NME7: variants seen among roughly 807,000 people sequenced by gnomAD.
NME7 encodes NME/NM23 family member 7.
NME7 carries 41 observed loss-of-function variants against 49.1 expected under a neutral mutation model. The observed-to-expected ratio is 0.83, with a 90% CI of 0.65 to 1.08. NME7 has a LOEUF of 1.08. Among genes scored for constraint, NME7 ranks in the 50% least tolerant of loss-of-function variants. The pLI, the probability that NME7 is intolerant of heterozygous loss-of-function variation, is 0.00. For missense variants in NME7, 423 were observed against 463.4 expected (o/e 0.91, Z 0.80); for synonymous variants, 139 against 150.6 (o/e 0.92, Z 0.56).
chr1:169,145,385 C>A (rs137914520), intron 11 of NME7, among the ~76,000 whole-genome samples: 24 of 152,236 alleles, frequency 1.6e-4, no homozygotes, highest in African/African-American at 5.5e-4. Flanking sequence ...TCCAACGAGA[C>A]GGCTAATTCA....
intron 10 of NME7, among the ~76,000 whole-genome samples, chr1:169,185,911 C>T (rs538685122): frequency 1.3e-5 from 2 of 152,250 alleles, no homozygotes; most frequent in South Asian, 2.1e-4. Context: ...GTATCCCTTA[C>T]AGCATTCAGT....
intron 10 of NME7, among the ~76,000 whole-genome samples, chr1:169,182,047 T>G (rs1479223782): frequency 6.6e-6 from 1 of 152,094 alleles, no homozygotes; most frequent in East Asian, 1.9e-4. Flanking sequence ...TTTTCTGAGT[T>G]GCAGGCTGGA....
In NME7 at chr1:169,315,927, C is replaced by T. The variant is rs116736134; in HGVS notation, c.279-5847G>A. On this transcript the variant is annotated intron_variant, in intron 3 of 11. Transcript: ENST00000367811. ...ATTGATAGAATATATAATTCTGTAA[C>T]TACTAATAGCAGAAAAGGGGAATAA... is the stretch of plus-strand genomic sequence containing the variant. 2.0e-3 allele frequency among the ~76,000 whole-genome samples: 299 copies of T among 151,876 alleles called. 4 individuals carry two copies. Among genetic ancestry groups the T allele is most frequent in the African/African-American group, 7.0e-3 (290 of 41,458 alleles).
At chr1:169,165,544 A>G (rs1659385777) in intron 11 of NME7, among the ~76,000 whole-genome samples, 1 of 152,180 alleles carries the variant, frequency 6.6e-6, no homozygotes, top group Admixed American at 6.5e-5. Context: ...TTTTCTGATT[A>G]GAGCTGCCTT....
chr1:169,187,363 T>C (rs1660096712), intron 10 of NME7, among the ~76,000 whole-genome samples: 1 of 152,120 alleles, frequency 6.6e-6, no homozygotes, highest in Non-Finnish European at 1.5e-5. Context: ...TCTCCCACTA[T>C]TATTGTGTGG....
chr1:169,280,130 T>G (rs1316596773), intron 7 of NME7, among the ~76,000 whole-genome samples: 1 of 152,300 alleles, frequency 6.6e-6, no homozygotes, highest in South Asian at 2.1e-4. Flanking sequence ...ATCTGTCATG[T>G]CCTGACTTTT....
chr1:169,358,782 T>C (rs1653550684), intron 1 of NME7, among the ~76,000 whole-genome samples: 3 of 152,228 alleles, frequency 2.0e-5, no homozygotes, highest in Middle Eastern at 3.4e-3. Context: ...GTTTAGAGTT[T>C]AGAAGAAACA....
intron 11 of NME7, among the ~76,000 whole-genome samples, chr1:169,141,449 A>G (rs139816877): frequency 3.9e-5 from 6 of 152,330 alleles, no homozygotes; most frequent in African/African-American, 1.4e-4. Context: ...TGAGTTTTAT[A>G]AACAATAAAC....
chr1:169,319,039 A>C (rs1191011580), intron 3 of NME7, among the ~76,000 whole-genome samples: 1 of 146,860 alleles, frequency 6.8e-6, no homozygotes, highest in East Asian at 1.9e-4. Flanking sequence ...TTTAATTTTA[A>C]TTTTAATTTT....
intron 7 of NME7, among the ~76,000 whole-genome samples, chr1:169,282,384 T>G (rs1478530674): frequency 6.6e-6 from 1 of 152,072 alleles, no homozygotes; most frequent in African/African-American, 2.4e-5. Context: ...TTTTGATGAT[T>G]TTTTCAAAAA....
At chr1:169,344,992 G>A (rs1172159409) in intron 1 of NME7, among the ~76,000 whole-genome samples, 3 of 152,132 alleles carry the variant, frequency 2.0e-5, no homozygotes, top group Non-Finnish European at 4.4e-5. Context: ...ATGATTTTTA[G>A]TTACTAATTC....
intron 10 of NME7, among the ~76,000 whole-genome samples, chr1:169,206,243 T>C (rs12081283): frequency 0.38 from 57,296 of 151,982 alleles, 11,515 homozygotes; most frequent in East Asian, 0.79. Context: ...GCCACTGTAT[T>C]TCTACTGTAT....
intron 7 of NME7, among the ~76,000 whole-genome samples, chr1:169,263,167 A>G (rs1035259938): frequency 3.0e-5 from 4 of 134,172 alleles, no homozygotes; most frequent in African/African-American, 2.5e-5. Context: ...GAACCAGTAC[A>G]AGAACTCTTA....
At chr1:169,252,413 T>A (rs956676732) in intron 7 of NME7, among the ~76,000 whole-genome samples, 1 of 152,022 alleles carries the variant, frequency 6.6e-6, no homozygotes, top group Non-Finnish European at 1.5e-5. Flanking sequence ...GGGTTGTTTG[T>A]TTTTTTCTTA....
chr1:169,244,016 T>C (rs1366573206), intron 7 of NME7, among the ~76,000 whole-genome samples: 1 of 129,882 alleles, frequency 7.7e-6, no homozygotes, highest in Non-Finnish European at 1.7e-5. Flanking sequence ...GGCATATGTA[T>C]GTACCTCAAT....
chr1:169,319,338 A>G (rs1294683231), intron 3 of NME7, among the ~76,000 whole-genome samples: 1 of 152,210 alleles, frequency 6.6e-6, no homozygotes, highest in Non-Finnish European at 1.5e-5. Context: ...AAGAATTGTT[A>G]AACTACATAA....
chr1:169,161,764 G>C (rs1360495750), intron 11 of NME7, among the ~76,000 whole-genome samples: 1 of 152,090 alleles, frequency 6.6e-6, no homozygotes, highest in African/African-American at 2.4e-5. Flanking sequence ...ACTGAAAACT[G>C]TCTTTGTAAA....
At chr1:169,297,872 A>G (rs1156736572) in intron 6 of NME7, among the ~76,000 whole-genome samples, 1 of 152,216 alleles carries the variant, frequency 6.6e-6, no homozygotes. Flanking sequence ...TCAGACCACA[A>G]TGATCAGATT....
intron 1 of NME7, among the ~76,000 whole-genome samples, chr1:169,327,243 T>C (rs1652092355): frequency 6.6e-6 from 1 of 152,230 alleles, no homozygotes; most frequent in African/African-American, 2.4e-5. Context: ...CAGACAATCA[T>C]TAGCTCCTTC....
Sources: allele counts gnomAD v4.1 joint callset (sites outside exome capture counted in the v4.1 genomes callset), GRCh38; gene constraint gnomAD v4.1.1; transcripts MANE v1.5; gene names NCBI Gene and HGNC (gene_info 2026-07-23, HGNC 2026-07-21).